The following SLC1A1 variants were observed in gnomAD, a reference collection of about 807,000 sequenced individuals.
SLC1A1 encodes solute carrier family 1 member 1, also known as excitatory amino acid transporter 3.
In SLC1A1, 43 loss-of-function variants were observed where a neutral mutation model predicts 53.3. The observed-to-expected ratio is 0.81, with a 90% CI of 0.63 to 1.04. The LOEUF (loss-of-function observed/expected upper bound fraction) is 1.04. SLC1A1 is among the 50% of genes least tolerant of loss of function. The pLI is 0.00. For missense variants in SLC1A1, 748 were observed against 664.9 expected, an observed-to-expected ratio of 1.12 and a Z score of -1.37; for synonymous variants, 307 against 243.2, an observed-to-expected ratio of 1.26 and a Z score of -2.44.
chr9:4,493,618 C>G (rs891583885), intron 1 of SLC1A1, among the ~76,000 whole-genome samples: 1 of 152,170 alleles, frequency 6.6e-6, no homozygotes, highest in Admixed American at 6.5e-5. Context: ...ATGTTTGGTC[C>G]CTGACCAGGT....
Position 4,583,603 on chromosome 9 carries a change from T to A in SLC1A1, c.1328+431T>A, listed in dbSNP as rs1821303822. Among the ~76,000 whole-genome samples the A allele has an allele frequency of 6.6e-6, 1 of 152,156 alleles. No individual in the cohort carries two copies. The highest frequency in any genetic ancestry group is 2.4e-5 in the African/African-American group (1 of 41,436). On this transcript the variant is annotated intron_variant, in intron 11 of 11. Transcript: ENST00000262352. This position sits in a 1 kb window ranked among gnomAD's most constrained non-coding sequence, Gnocchi z 4.6. ...GGGACAGTGGCACAAGCACTTGGGT[T>A]TGAATCTCCGTCCTGTGTCTTACCA...
chr9:4,535,993 G>A (rs978338076), intron 1 of SLC1A1, among the ~76,000 whole-genome samples: 2 of 152,182 alleles, frequency 1.3e-5, no homozygotes, highest in African/African-American at 2.4e-5. Context: ...CTAGCCATAT[G>A]TAGAAAGCTG....
intron 8 of SLC1A1, among the ~76,000 whole-genome samples, chr9:4,574,988 G>A (rs1427603688): frequency 6.6e-6 from 1 of 152,216 alleles, no homozygotes; most frequent in African/African-American, 2.4e-5. Flanking sequence ...CCACCCTGCT[G>A]TAGGGCTGCT....
At chr9:4,503,697 T>C (rs1200302649) in intron 1 of SLC1A1, among the ~76,000 whole-genome samples, 1 of 151,942 alleles carries the variant, frequency 6.6e-6, no homozygotes, top group Non-Finnish European at 1.5e-5. Flanking sequence ...ATTTAATATA[T>C]GTGTTGCTGT....
intron 1 of SLC1A1, among the ~76,000 whole-genome samples, chr9:4,513,156 G>T (rs536460603): frequency 6.6e-6 from 1 of 152,248 alleles, no homozygotes; most frequent in South Asian, 2.1e-4. Flanking sequence ...GTTAGGCAAA[G>T]AGATCTAGAT....
At chr9:4,577,444 C>A (rs1292585814) in intron 10 of SLC1A1, among the ~76,000 whole-genome samples, 3 of 152,170 alleles carry the variant, frequency 2.0e-5, no homozygotes, top group Non-Finnish European at 4.4e-5. Context: ...CTCTTAGATG[C>A]TTTGTCATAT....
At position 4,583,882 on chromosome 9, in the gene SLC1A1, TCACACACACA is replaced by T. The variant is rs113177004; in HGVS notation, c.1328+731_1328+740del. Among the ~76,000 whole-genome samples the T allele has an allele frequency of 1.5e-5, 2 of 136,966 alleles. No individual in the cohort carries two copies. Among genetic ancestry groups the T allele is most frequent in the East Asian group, 2.1e-4 (1 of 4,870 alleles). The allele number at this position is 136,966 out of a possible 152,430, so 89.9% of individuals were successfully genotyped here. A position where few individuals can be genotyped will look rare whatever the true frequency, so the allele number is the denominator to read the frequency against. On this transcript the variant is annotated intron_variant, in intron 11 of 11. Coordinates refer to ENST00000262352, the MANE Select transcript of SLC1A1 (RefSeq NM_004170.6). This position sits in a 1 kb window ranked among gnomAD's most constrained non-coding sequence, Gnocchi z 4.6. ...CTCTCTCTCTCTCTCTCTCTCTCTC[TCACACACACA>T]CACACACACACACACACACATATGG...
At chr9:4,564,494 G>A in intron 4 of SLC1A1, 36 bp downstream of exon 4, 2 of 1,197,060 alleles carry the variant, frequency 1.7e-6, no homozygotes, top group Non-Finnish European at 2.5e-6. Flanking sequence ...TCAAGGGCAT[G>A]CGGATAGCAG....
At chr9:4,542,316 T>C (rs1817088542) in intron 1 of SLC1A1, among the ~76,000 whole-genome samples, 1 of 152,172 alleles carries the variant, frequency 6.6e-6, no homozygotes, top group Non-Finnish European at 1.5e-5. Flanking sequence ...ATGTCACCTT[T>C]TATTGCTTTC....
At chr9:4,505,398 C>T (rs1228450413) in intron 1 of SLC1A1, among the ~76,000 whole-genome samples, 2 of 152,020 alleles carry the variant, frequency 1.3e-5, no homozygotes, top group Non-Finnish European at 2.9e-5. Context: ...TTGTCTTTCA[C>T]CTTTTAAGTT....
chr9:4,538,152 C>T (rs192746858), intron 1 of SLC1A1, among the ~76,000 whole-genome samples: 2 of 152,226 alleles, frequency 1.3e-5, no homozygotes. Flanking sequence ...TAAGGACTCA[C>T]CTGTGACAGC....
intron 1 of SLC1A1, among the ~76,000 whole-genome samples, chr9:4,508,133 G>C (rs187977291): frequency 1.4e-4 from 21 of 151,548 alleles, no homozygotes; most frequent in Admixed American, 1.4e-3. Context: ...CGTGACCGTG[G>C]GATAGATAAA....
At chr9:4,491,712 T>C (rs796194769) in intron 1 of SLC1A1, among the ~76,000 whole-genome samples, 1 of 152,300 alleles carries the variant, frequency 6.6e-6, no homozygotes, top group South Asian at 2.1e-4. Flanking sequence ...TTCCCAGTGA[T>C]AGCTCCTCAG....
chr9:4,555,617 G>A (rs529605970), intron 2 of SLC1A1, among the ~76,000 whole-genome samples: 156 of 152,296 alleles, frequency 1.0e-3, no homozygotes, highest in African/African-American at 3.5e-3. Flanking sequence ...GACTTCCAAG[G>A]ACAACCGGGG....
At chr9:4,500,492 G>T (rs2130798854) in intron 1 of SLC1A1, among the ~76,000 whole-genome samples, 1 of 152,266 alleles carries the variant, frequency 6.6e-6, no homozygotes, top group African/African-American at 2.4e-5. Context: ...TATATGTTTA[G>T]TAGAGACGGG....
chr9:4,537,085 C>T (rs1426712083), intron 1 of SLC1A1, among the ~76,000 whole-genome samples: 1 of 151,904 alleles, frequency 6.6e-6, no homozygotes, highest in Non-Finnish European at 1.5e-5. Context: ...GGAGATATAC[C>T]TAATGTTAAA....
chr9:4,492,668 A>C (rs1051446356), intron 1 of SLC1A1, among the ~76,000 whole-genome samples: 1 of 152,100 alleles, frequency 6.6e-6, no homozygotes, highest in South Asian at 2.1e-4. Context: ...GGTGGTGCAC[A>C]TCTGTAGTCC....
intron 1 of SLC1A1, among the ~76,000 whole-genome samples, chr9:4,507,721 G>T (rs903318631): frequency 6.6e-6 from 1 of 152,168 alleles, no homozygotes; most frequent in Non-Finnish European, 1.5e-5. Context: ...AGCATTCTGA[G>T]TTCAGAGTTC....
intron 10 of SLC1A1, among the ~76,000 whole-genome samples, chr9:4,577,703 G>C (rs972214217): frequency 1.1e-4 from 17 of 152,178 alleles, no homozygotes; most frequent in Non-Finnish European, 1.5e-5. Context: ...TTGAACTCCT[G>C]ACCTCAGGTG....
Sources: gnomAD v4.1 joint callset for allele counts (sites outside exome capture counted in the v4.1 genomes callset) on GRCh38, gnomAD v4.1.1 for gene constraint, Gnocchi (gnomAD v3.1) non-coding constraint, MANE v1.5 for transcripts, NCBI Gene and HGNC (gene_info 2026-07-23, HGNC 2026-07-21) for gene names.